Variants in MAP2K1 observed in about 807,000 individuals in gnomAD.
MAP2K1 encodes the protein mitogen-activated protein kinase kinase 1.
Under a neutral mutation model 46.3 loss-of-function variants are expected in MAP2K1, and 16 were observed. That is an observed-to-expected ratio of 0.35 (90% confidence interval 0.23 to 0.52). The LOEUF (loss-of-function observed/expected upper bound fraction) is 0.52, where lower values mean the gene tolerates loss of function less well. Ranked by LOEUF, MAP2K1 falls within the 20% of genes least tolerant of loss-of-function variation. The probability of loss-of-function intolerance (pLI) is 0.94; values close to 1 mark genes in which losing one functional copy is unlikely to be tolerated. For synonymous variants in MAP2K1, 183 were observed against 185.6 expected, an observed-to-expected ratio of 0.99 and a Z score of 0.11; for missense variants, 263 against 497.1, an observed-to-expected ratio of 0.53 and a Z score of 4.48.
chr15:66,425,806 C>T (rs1008020784), intron 1 of MAP2K1, among the ~76,000 whole-genome samples: 2 of 152,126 alleles, frequency 1.3e-5, no homozygotes, highest in East Asian at 1.9e-4. Flanking sequence ...CTTACAATTC[C>T]GGAAGGAAGG....
chr15:66,436,726 T>C lies in MAP2K1; in HGVS notation c.292-20T>C. 6.2e-7 allele frequency: 1 copy of C among 1,613,580 alleles called. No homozygotes were observed. Among genetic ancestry groups the C allele is most frequent in the Non-Finnish European group, 8.5e-7 (1 of 1,179,542 alleles). ...CCCTCTTTCTTTCATAAAACCTCTC[T>C]TTCTTCCACCTTTCTCCAGCTAATT... On this transcript the variant is annotated intron_variant, in intron 2 of 10. Transcript: ENST00000307102.
intron 3 of MAP2K1, among the ~76,000 whole-genome samples, chr15:66,439,500 C>T (rs1044772772): frequency 6.6e-6 from 1 of 152,146 alleles, no homozygotes; most frequent in Non-Finnish European, 1.5e-5. Flanking sequence ...GACACGGTAG[C>T]TCACACCTGT....
At chr15:66,469,310 A>T (rs1011000134) in intron 5 of MAP2K1, among the ~76,000 whole-genome samples, 1 of 152,192 alleles carries the variant, frequency 6.6e-6, no homozygotes, top group Non-Finnish European at 1.5e-5. Flanking sequence ...TACACTCTTC[A>T]TTAAAAACCC....
intron 1 of MAP2K1, among the ~76,000 whole-genome samples, chr15:66,404,239 G>A (rs1250486605): frequency 6.6e-6 from 1 of 152,182 alleles, no homozygotes; most frequent in Non-Finnish European, 1.5e-5. Flanking sequence ...TGTAGTCCCA[G>A]CCACTCGGGG....
intron 1 of MAP2K1, among the ~76,000 whole-genome samples, chr15:66,428,273 T>TGC (rs2093464885): frequency 9.3e-4 from 1 of 1,072 alleles, no homozygotes; most frequent in African/African-American, 1.8e-3. Context: ...CAGTTGTGCG[T>TGC]GTGTGTGTGT....
chr15:66,469,275 C>G (rs1892548738), intron 5 of MAP2K1, among the ~76,000 whole-genome samples: 1 of 152,168 alleles, frequency 6.6e-6, no homozygotes, highest in Admixed American at 6.6e-5. Context: ...GTTTTTTAAA[C>G]AAAGACATTT....
At chr15:66,489,819 TGTCA>T in intron 10 of MAP2K1, 56 bp downstream of exon 10, 1 of 1,437,282 alleles carries the variant, frequency 7.0e-7, no homozygotes, top group Non-Finnish European at 9.8e-7. Context: ...TGTTCTTCTC[TGTCA>T]GTCATCTGTG....
chr15:66,462,654 T>C (rs1892356259), intron 5 of MAP2K1, among the ~76,000 whole-genome samples: 1 of 151,512 alleles, frequency 6.6e-6, no homozygotes, highest in Admixed American at 6.6e-5. Context: ...ACATAACAAG[T>C]GACATACATG....
chr15:66,426,591 G>A (rs1314245680), intron 1 of MAP2K1, among the ~76,000 whole-genome samples: 1 of 152,154 alleles, frequency 6.6e-6, no homozygotes. Flanking sequence ...CATCTAAGAA[G>A]TGTGGGAAAG....
intron 7 of MAP2K1, 57 bp from the exon 8 acceptor site, chr15:66,487,171 C>A: frequency 6.8e-7 from 1 of 1,472,116 alleles, no homozygotes; most frequent in South Asian, 1.1e-5. Context: ...CCCCTTGCCT[C>A]ATATTAACAA....
intron 1 of MAP2K1, chr15:66,414,874 T>A: frequency 3.2e-6 from 1 of 307,858 alleles, no homozygotes; most frequent in Non-Finnish European, 6.3e-6. Context: ...ACTGTGTTCC[T>A]TATGGAGGGG....
At chr15:66,458,469 C>G (rs1300636239) in intron 5 of MAP2K1, among the ~76,000 whole-genome samples, 1 of 152,090 alleles carries the variant, frequency 6.6e-6, no homozygotes, top group Non-Finnish European at 1.5e-5. Context: ...CCATGTGTAA[C>G]CTAGATTTTT....
At chr15:66,420,894 CACAT>C (rs201850452) in intron 1 of MAP2K1, among the ~76,000 whole-genome samples, 1,382 of 108,042 alleles carry the variant, frequency 0.013, 122 homozygotes, top group South Asian at 0.041. Flanking sequence ...TGTATATATA[CACAT>C]ACATACATAC....
At chr15:66,422,490 A>T (rs985784853) in intron 1 of MAP2K1, among the ~76,000 whole-genome samples, 1 of 152,224 alleles carries the variant, frequency 6.6e-6, no homozygotes, top group African/African-American at 2.4e-5. Context: ...TGAGTGGAAT[A>T]TGATATTCCT....
At chr15:66,471,017 TTG>T (rs1204278058) in intron 5 of MAP2K1, among the ~76,000 whole-genome samples, 3 of 152,142 alleles carry the variant, frequency 2.0e-5, no homozygotes, top group African/African-American at 7.2e-5. Flanking sequence ...AGACAAACAC[TTG>T]GATTCTTTTG....
At chr15:66,420,767 GTATATATATGTGTA>G (rs1174666146) in intron 1 of MAP2K1, among the ~76,000 whole-genome samples, 5,478 of 34,938 alleles carry the variant, frequency 0.16, 1,009 homozygotes, top group South Asian at 0.25. Context: ...GTGTATGTGT[GTATATATATGTGTA>G]TATATATGTG....
At chr15:66,465,764 TTTTAC>T (rs2140640588) in intron 5 of MAP2K1, among the ~76,000 whole-genome samples, 1 of 152,330 alleles carries the variant, frequency 6.6e-6, no homozygotes, top group South Asian at 2.1e-4. Context: ...ACTTTCCTGT[TTTTAC>T]TAAAGACAAA....
Position 66,435,099 on chromosome 15 carries a change from G to A in MAP2K1, c.153G>A (p.Glu51=), listed in dbSNP as rs1567009061. 1 of 1,614,154 alleles carries A rather than the reference G, an allele frequency of 6.2e-7. No individual in the cohort carries two copies. The highest frequency in any genetic ancestry group is 8.5e-7 in the Non-Finnish European group (1 of 1,180,024). ...ELDEQQRKRL[E]AFLTQKQKVG... is the part of the protein sequence containing the mutation. ...ATGAGCAGCAGCGAAAGCGCCTTGAGGCCTTTCTTACCCAGAAGCAGAAGG... is the reference window on the plus strand; with the variant it reads ...ATGAGCAGCAGCGAAAGCGCCTTGAAGCCTTTCTTACCCAGAAGCAGAAGG... The change falls in exon 2 of 11, where the codon GAG becomes GAA. Residue 51 remains glutamate (E), a synonymous_variant. Coordinates refer to ENST00000307102, the MANE Select transcript of MAP2K1 (RefSeq NM_002755.4).
chr15:66,440,863 TG>T (rs2093501783), intron 3 of MAP2K1, among the ~76,000 whole-genome samples: 1 of 152,234 alleles, frequency 6.6e-6, no homozygotes, highest in South Asian at 2.1e-4. Context: ...GACTGGTGTA[TG>T]CCCCTTACAT....
Sources: allele counts gnomAD v4.1 joint callset (sites outside exome capture counted in the v4.1 genomes callset), GRCh38; gene constraint gnomAD v4.1.1; transcripts MANE v1.5; gene names NCBI Gene and HGNC (gene_info 2026-07-23, HGNC 2026-07-21).